The following TTC39C variants were observed in gnomAD, a reference collection of about 807,000 sequenced individuals.
The protein encoded by TTC39C is tetratricopeptide repeat domain 39C, also known as tetratricopeptide repeat protein 39C.
Under a neutral mutation model 76.3 loss-of-function variants are expected in TTC39C, and 33 were observed. That is an observed-to-expected ratio of 0.43 (90% confidence interval 0.33 to 0.58). The LOEUF is 0.58. Among genes scored for constraint, TTC39C ranks in the 20% least tolerant of loss-of-function variants. TTC39C has a pLI of 0.04. For synonymous variants in TTC39C, 254 were observed against 260.6 expected (o/e 0.97, Z 0.24); for missense variants, 595 against 701.4 (o/e 0.85, Z 1.71).
At chr18:24,056,701 G>A (rs565380226) in intron 1 of TTC39C, among the ~76,000 whole-genome samples, 1 of 152,266 alleles carries the variant, frequency 6.6e-6, no homozygotes, top group South Asian at 2.1e-4. Flanking sequence ...GTTTCTACCT[G>A]TTGTGACTCA....
Position 24,123,969 on chromosome 18 carries a change from GTATTACT to G in TTC39C, c.1296+30_1296+36del, listed in dbSNP as rs941171252. On this transcript the variant is annotated intron_variant, in intron 9 of 13. Coordinates refer to ENST00000317571, the MANE Select transcript of TTC39C (RefSeq NM_001135993.2). The stretch of plus-strand genomic sequence containing the variant: ...GTATGTTGGAGCCTATTGATCTGGT[GTATTACT>G]TATGATGGGCATTTGTAACCAACAC... 4 of 1,540,190 alleles carry G rather than the reference GTATTACT, an allele frequency of 2.6e-6. No individual in the cohort carries two copies. In the African/African-American group the frequency reaches 4.2e-5, roughly 16 times the overall value.
intron 8 of TTC39C, among the ~76,000 whole-genome samples, chr18:24,118,547 C>T (rs1370922642): frequency 2.0e-5 from 3 of 152,086 alleles, no homozygotes; most frequent in African/African-American, 7.2e-5. Context: ...GTATATTTTG[C>T]CCTAAGTTGC....
chr18:24,080,423 T>G (rs1308137384), intron 4 of TTC39C, among the ~76,000 whole-genome samples, 162 bp from the exon 5 acceptor site: 2 of 152,202 alleles, frequency 1.3e-5, no homozygotes, highest in Non-Finnish European at 2.9e-5. Flanking sequence ...ATAAGACATT[T>G]AAGTAAGCAC....
intron 1 of TTC39C, among the ~76,000 whole-genome samples, chr18:23,997,011 A>T (rs1248114697): frequency 1.3e-5 from 2 of 152,202 alleles, no homozygotes; most frequent in African/African-American, 4.8e-5. Context: ...TGGGAGGCTG[A>T]CACAGGAGAA....
intron 1 of TTC39C, among the ~76,000 whole-genome samples, chr18:24,055,754 T>C (rs1447938047): frequency 6.6e-6 from 1 of 152,144 alleles, no homozygotes; most frequent in African/African-American, 2.4e-5. Flanking sequence ...TGTAGTTCCA[T>C]TTATATACTT....
intron 1 of TTC39C, among the ~76,000 whole-genome samples, chr18:24,043,046 C>A (rs1401703468): frequency 1.3e-5 from 2 of 152,098 alleles, no homozygotes; most frequent in African/African-American, 4.8e-5. Flanking sequence ...TCCCTACTCA[C>A]AAGAAATTTA....
At chr18:24,059,490 T>C (rs375473848) in intron 1 of TTC39C, among the ~76,000 whole-genome samples, 181 of 152,300 alleles carry the variant, frequency 1.2e-3, no homozygotes, top group African/African-American at 4.2e-3. Context: ...CCTGCATGAG[T>C]TTGCTAAGGA....
chr18:24,096,570 T>C (rs1418200562), intron 6 of TTC39C, among the ~76,000 whole-genome samples: 2 of 152,320 alleles, frequency 1.3e-5, no homozygotes, highest in East Asian at 3.9e-4. Flanking sequence ...TCATGCCTCT[T>C]TGCATGTATG....
At chr18:24,095,092 C>G (rs539720430) in intron 6 of TTC39C, among the ~76,000 whole-genome samples, 1 of 152,278 alleles carries the variant, frequency 6.6e-6, no homozygotes, top group Non-Finnish European at 1.5e-5. Context: ...GGTTTTCTTG[C>G]TATGGCTTCT....
At chr18:24,016,047 C>G (rs961974821) in intron 1 of TTC39C, among the ~76,000 whole-genome samples, 7 of 152,166 alleles carry the variant, frequency 4.6e-5, no homozygotes, top group African/African-American at 1.7e-4. Flanking sequence ...ACAACTGTGA[C>G]CGGGAGACAG....
chr18:24,111,624 G>A (rs561398202), intron 6 of TTC39C, among the ~76,000 whole-genome samples: 9 of 151,088 alleles, frequency 6.0e-5, no homozygotes, highest in Non-Finnish European at 8.8e-5. Flanking sequence ...ACTGGGCATG[G>A]TGGCTTATGC....
intron 1 of TTC39C, among the ~76,000 whole-genome samples, chr18:24,025,633 A>G (rs1423153445): frequency 1.3e-5 from 2 of 152,202 alleles, no homozygotes; most frequent in Admixed American, 6.5e-5. Flanking sequence ...GATCTCATAC[A>G]TTGCAGGATG....
chr18:24,006,592 G>C (rs981658837), intron 1 of TTC39C: 4 of 143,674 alleles, frequency 2.8e-5, no homozygotes, highest in Non-Finnish European at 3.1e-5. Context: ...GGGCGGGTGG[G>C]GGGGAGACGG....
intron 1 of TTC39C, among the ~76,000 whole-genome samples, chr18:24,031,779 G>C (rs2083674632): frequency 6.6e-6 from 1 of 152,060 alleles, no homozygotes; most frequent in African/African-American, 2.4e-5. Context: ...CTCTGTGGTG[G>C]GTTCAAAAAT....
At chr18:24,105,891 G>A (rs575827421) in intron 6 of TTC39C, among the ~76,000 whole-genome samples, 2 of 152,338 alleles carry the variant, frequency 1.3e-5, no homozygotes, top group Admixed American at 6.5e-5. Flanking sequence ...GGCCGTGAGG[G>A]AGAGCCTGTT....
chr18:24,089,124 G>A (rs2084484342), intron 6 of TTC39C, among the ~76,000 whole-genome samples: 1 of 152,198 alleles, frequency 6.6e-6, no homozygotes, highest in Non-Finnish European at 1.5e-5. Context: ...TTATCAGATA[G>A]AAGAAAGAAC....
In TTC39C at chr18:24,110,492, A is replaced by AAT. The variant is rs948829182; in HGVS notation, c.985-4051_985-4050dup. On this transcript the variant is annotated intron_variant, in intron 6 of 13. Transcript: ENST00000317571. ...CTCCATGGAAAATCCAAGGAAATTA[A>AAT]ATATATATATATGAGAGAGAACTCC... Among the ~76,000 whole-genome samples the AAT allele has an allele frequency of 2.6e-5, 4 of 152,172 alleles. No individual in the cohort carries two copies. In the East Asian group the frequency reaches 5.8e-4, roughly 22 times the overall value.
chr18:24,001,927 G>A (rs887329067), intron 1 of TTC39C, among the ~76,000 whole-genome samples: 3 of 148,774 alleles, frequency 2.0e-5, no homozygotes, highest in Non-Finnish European at 3.0e-5. Flanking sequence ...CCGGGTTCAC[G>A]CCATTCTCCT....
At chr18:24,080,523 A>C in intron 4 of TTC39C, 62 bp from the exon 5 acceptor site, 2 of 1,288,026 alleles carry the variant, frequency 1.6e-6, no homozygotes, top group Admixed American at 4.9e-5. Flanking sequence ...AGTATCCTTT[A>C]CTATAGAAAT....
Sources: allele counts gnomAD v4.1 joint callset (sites outside exome capture counted in the v4.1 genomes callset), GRCh38; gene constraint gnomAD v4.1.1; transcripts MANE v1.5; gene names NCBI Gene and HGNC (gene_info 2026-07-23, HGNC 2026-07-21).